Variants in CEP83 observed in about 807,000 individuals in gnomAD.
CEP83 encodes the protein centrosomal protein of 83 kDa.
CEP83 carries 70 observed loss-of-function variants against 101.9 expected under a neutral mutation model. The ratio of observed to expected loss-of-function variants is 0.69; its 90% confidence interval spans 0.57 to 0.84. The LOEUF is 0.84. CEP83 is among the 40% of genes least tolerant of loss of function. The pLI is 0.00. For synonymous variants in CEP83, 264 were observed against 267.9 expected, an observed-to-expected ratio of 0.99 and a Z score of 0.14; for missense variants, 715 against 787.2, an observed-to-expected ratio of 0.91 and a Z score of 1.10.
chr12:94,327,003 T>C (rs527312960), intron 14 of CEP83, among the ~76,000 whole-genome samples: 1 of 151,252 alleles, frequency 6.6e-6, no homozygotes, highest in Non-Finnish European at 1.5e-5. Flanking sequence ...CTGACTAAAT[T>C]TGGAGATAAG....
chr12:94,445,983 T>C lies in CEP83; in HGVS notation c.-154-10656A>G, dbSNP rs539138924. 2.8e-4 allele frequency among the ~76,000 whole-genome samples: 43 copies of C among 152,374 alleles called. 1 individual carries two copies. In the Middle Eastern group the frequency reaches 0.01, roughly 36 times the overall value. ...TTGTAAAATGAAATTTCAAATAAAG[T>C]ATATAATCATGTAAATGCATGACAA... On this transcript the variant is annotated intron_variant, in intron 1 of 16. Transcript: ENST00000397809.
chr12:94,441,714 G>C (rs1028092521), intron 1 of CEP83, among the ~76,000 whole-genome samples: 1 of 152,096 alleles, frequency 6.6e-6, no homozygotes, highest in Non-Finnish European at 1.5e-5. Context: ...AGGAGATCAA[G>C]ACCATCTTGA....
At chr12:94,396,228 T>G in intron 6 of CEP83, among the ~76,000 whole-genome samples, 1 of 151,638 alleles carries the variant, frequency 6.6e-6, no homozygotes, top group East Asian at 1.9e-4. Flanking sequence ...GCATTTCACC[T>G]GTATGAAGTC....
chr12:94,324,525 T>G (rs1177677070), intron 14 of CEP83, among the ~76,000 whole-genome samples: 2 of 152,222 alleles, frequency 1.3e-5, no homozygotes, highest in Non-Finnish European at 2.9e-5. Context: ...TAATCTCATC[T>G]CATCTACTTT....
At chr12:94,273,045 T>C in the CEP83 span, among the ~76,000 whole-genome samples, 1 of 152,190 alleles carries the variant, frequency 6.6e-6, no homozygotes, top group South Asian at 2.1e-4. Context: ...TCCATGATTT[T>C]GGACATGCTT....
intron 14 of CEP83, among the ~76,000 whole-genome samples, chr12:94,322,820 C>T (rs542884109): frequency 1.3e-5 from 2 of 152,278 alleles, no homozygotes; most frequent in African/African-American, 4.8e-5. Flanking sequence ...AGATGACAGC[C>T]CCATCCCTCC....
intron 1 of CEP83, among the ~76,000 whole-genome samples, chr12:94,450,878 GGAAAGAGCATA>G (rs2067201224): frequency 6.6e-6 from 1 of 152,148 alleles, no homozygotes; most frequent in East Asian, 1.9e-4. Flanking sequence ...ATATGGAAAT[GGAAAGAGCATA>G]GAACCAATTT....
intron 14 of CEP83, among the ~76,000 whole-genome samples, chr12:94,318,070 C>T (rs1024014086): frequency 2.6e-5 from 4 of 152,012 alleles, no homozygotes; most frequent in Non-Finnish European, 4.4e-5. Flanking sequence ...AAAGTTTTGC[C>T]ATTTATTTGT....
intron 8 of CEP83, among the ~76,000 whole-genome samples, chr12:94,372,969 T>C (rs1206336892): frequency 6.6e-6 from 1 of 152,230 alleles, no homozygotes; most frequent in Non-Finnish European, 1.5e-5. Flanking sequence ...ACTTAACGTA[T>C]GAAAATGTAT....
intron 8 of CEP83, among the ~76,000 whole-genome samples, chr12:94,374,404 C>T (rs2061434138): frequency 6.6e-6 from 1 of 152,154 alleles, no homozygotes. Context: ...ATACTACGTA[C>T]TCAATATTAT....
the CEP83 span, among the ~76,000 whole-genome samples, chr12:94,287,429 CCTT>C: frequency 6.6e-6 from 1 of 152,198 alleles, no homozygotes; most frequent in Non-Finnish European, 1.5e-5. Flanking sequence ...TGGAGTCCAG[CCTT>C]CTTCCTCTCA....
the CEP83 span, among the ~76,000 whole-genome samples, chr12:94,284,184 G>GA: frequency 2.6e-5 from 4 of 152,096 alleles, no homozygotes; most frequent in African/African-American, 9.7e-5. Context: ...GCAATTTGGG[G>GA]AGAGTCAGAA....
At chr12:94,424,335 G>A in intron 2 of CEP83, 1 of 1,614,096 alleles carries the variant, frequency 6.2e-7, no homozygotes. Flanking sequence ...CAAAGCAAGG[G>A]ATCGGATGGG....
intron 6 of CEP83, among the ~76,000 whole-genome samples, chr12:94,382,295 G>A (rs1411202603): frequency 6.6e-6 from 1 of 151,676 alleles, no homozygotes; most frequent in Non-Finnish European, 1.5e-5. Flanking sequence ...TCTTTTCAAA[G>A]AACCAGCTCT....
intron 1 of CEP83, among the ~76,000 whole-genome samples, chr12:94,455,495 T>C (rs2067600460): frequency 2.0e-5 from 3 of 152,232 alleles, no homozygotes; most frequent in Non-Finnish European, 1.5e-5. Context: ...AACTTCACTT[T>C]CTATATCTTC....
At chr12:94,277,543 A>C in the CEP83 span, among the ~76,000 whole-genome samples, 3 of 152,138 alleles carry the variant, frequency 2.0e-5, no homozygotes, top group African/African-American at 7.2e-5. Flanking sequence ...AGCGACATAC[A>C]CAGAGGTTAC....
chr12:94,383,146 T>C lies in CEP83; in HGVS notation c.550-4104A>G, dbSNP rs145587057. Among the ~76,000 whole-genome samples, 5 of 152,170 alleles carry C rather than the reference T, an allele frequency of 3.3e-5. No individual in the cohort carries two copies. The East Asian group carries it at 9.6e-4, about 29-fold the overall frequency. On this transcript the variant is annotated intron_variant, in intron 6 of 16. Coordinates refer to ENST00000397809, the MANE Select transcript of CEP83 (RefSeq NM_016122.3). ...AAATCTGGTATTTTTCTTTGTTATT[T>C]TCCTTTGCCCTGAAGTCTGCTCTAT...
intron 14 of CEP83, among the ~76,000 whole-genome samples, chr12:94,318,499 CAA>C (rs1400325294): frequency 6.6e-6 from 1 of 152,098 alleles, no homozygotes; most frequent in Non-Finnish European, 1.5e-5. Flanking sequence ...TGCTGGTTTT[CAA>C]AGAGAATGCT....
chr12:94,419,219 T>G (rs951838824), intron 2 of CEP83, among the ~76,000 whole-genome samples: 1 of 152,098 alleles, frequency 6.6e-6, no homozygotes, highest in Non-Finnish European at 1.5e-5. Flanking sequence ...TATTTTTTAT[T>G]TTTTTCAATA....
Sources: gnomAD v4.1 joint callset for allele counts (sites outside exome capture counted in the v4.1 genomes callset) on GRCh38, gnomAD v4.1.1 for gene constraint, MANE v1.5 for transcripts, NCBI Gene and HGNC (gene_info 2026-07-23, HGNC 2026-07-21) for gene names.